Variants in MTUS1 observed in about 807,000 individuals in gnomAD.
The protein encoded by MTUS1 is microtubule associated scaffold protein 1.
MTUS1 carries 109 observed loss-of-function variants against 120.8 expected under a neutral mutation model. The observed-to-expected ratio is 0.90, with a 90% confidence interval of 0.77 to 1.06. The LOEUF (loss-of-function observed/expected upper bound fraction) is 1.06, where lower values mean the gene tolerates loss of function less well. Ranked by LOEUF, MTUS1 falls within the 50% of genes least tolerant of loss-of-function variation. The probability of loss-of-function intolerance (pLI) is 0.00; values close to 1 mark genes in which losing one functional copy is unlikely to be tolerated. For missense variants in MTUS1, 2,210 were observed against 1,486.3 expected, an observed-to-expected ratio of 1.49 and a Z score of -8.01; for synonymous variants, 737 against 550.5, an observed-to-expected ratio of 1.34 and a Z score of -4.74.
At chr8:17,718,469 C>T (rs556125952) in intron 4 of MTUS1, among the ~76,000 whole-genome samples, 8 of 152,176 alleles carry the variant, frequency 5.3e-5, no homozygotes, top group South Asian at 4.2e-4. Flanking sequence ...ACAGTGCATT[C>T]GCCCATATCG....
At chr8:17,799,873 T>G (rs2131625454) in intron 1 of MTUS1, among the ~76,000 whole-genome samples, 1 of 152,306 alleles carries the variant, frequency 6.6e-6, no homozygotes, top group South Asian at 2.1e-4. Flanking sequence ...AGCTTTGGTT[T>G]TAAGGATAAG....
intron 1 of MTUS1, among the ~76,000 whole-genome samples, chr8:17,786,891 T>G (rs970406042): frequency 1.3e-5 from 2 of 152,254 alleles, no homozygotes; most frequent in Non-Finnish European, 2.9e-5. Context: ...GGATCCCTTA[T>G]GAACTCTTCC....
At chr8:17,698,591 G>A (rs868217989) in intron 6 of MTUS1, among the ~76,000 whole-genome samples, 1 of 152,144 alleles carries the variant, frequency 6.6e-6, no homozygotes, top group South Asian at 2.1e-4. Context: ...ATGCAGAATT[G>A]TTACCATAAA....
intron 4 of MTUS1, among the ~76,000 whole-genome samples, chr8:17,718,859 T>C (rs985190524): frequency 1.3e-5 from 2 of 151,578 alleles, no homozygotes; most frequent in Non-Finnish European, 2.9e-5. Context: ...GCAGAAGACA[T>C]GATTTTCCTA....
At chr8:17,652,775 G>A (rs1807300365) in intron 12 of MTUS1, among the ~76,000 whole-genome samples, 1 of 151,552 alleles carries the variant, frequency 6.6e-6, no homozygotes, top group South Asian at 2.1e-4. Flanking sequence ...GGTGGACGTT[G>A]CAGTGAGCCG....
At chr8:17,692,709 A>C (rs373709496) in intron 6 of MTUS1, among the ~76,000 whole-genome samples, 1 of 152,100 alleles carries the variant, frequency 6.6e-6, no homozygotes, top group Non-Finnish European at 1.5e-5. Context: ...GCAGAAAACA[A>C]TAACTTGGGT....
intron 5 of MTUS1, among the ~76,000 whole-genome samples, chr8:17,714,020 T>G (rs1431838379): frequency 2.0e-5 from 3 of 152,304 alleles, no homozygotes; most frequent in South Asian, 2.1e-4. Flanking sequence ...GGAATCTCAT[T>G]CTCTGCAAGT....
At chr8:17,651,475 G>T (rs977726306) in intron 12 of MTUS1, 1 of 151,044 alleles carries the variant, frequency 6.6e-6, no homozygotes, top group African/African-American at 2.4e-5. Context: ...CAAATACTAA[G>T]TATCAATTTT....
chr8:17,742,291 GTTTT>G (rs1237059839), intron 3 of MTUS1, among the ~76,000 whole-genome samples: 4 of 94,700 alleles, frequency 4.2e-5, no homozygotes, highest in Admixed American at 1.4e-4. Context: ...TGTTGTTGTT[GTTTT>G]TTTTTTTTTT....
At chr8:17,782,571 T>C (rs1373206164) in intron 1 of MTUS1, among the ~76,000 whole-genome samples, 3 of 152,234 alleles carry the variant, frequency 2.0e-5, no homozygotes, top group Admixed American at 1.3e-4. Context: ...TGAAGTTTTA[T>C]GGGAGAGTAC....
intron 8 of MTUS1, among the ~76,000 whole-genome samples, chr8:17,673,195 G>A (rs139443671): frequency 1.3e-5 from 2 of 152,340 alleles, no homozygotes; most frequent in East Asian, 3.9e-4. Context: ...GTCAAGTTAA[G>A]TAACATGGCA....
chr8:17,703,039 A>G (rs1467242050), intron 6 of MTUS1, among the ~76,000 whole-genome samples: 3 of 152,198 alleles, frequency 2.0e-5, no homozygotes, highest in Admixed American at 6.5e-5. Context: ...TAACTGAACA[A>G]TCTGATTGCA....
intron 3 of MTUS1, among the ~76,000 whole-genome samples, chr8:17,731,593 A>G (rs1047207292): frequency 1.3e-5 from 2 of 152,238 alleles, no homozygotes; most frequent in Non-Finnish European, 2.9e-5. Flanking sequence ...CTTATTATGC[A>G]TAAAAACACA....
intron 1 of MTUS1, among the ~76,000 whole-genome samples, chr8:17,769,312 T>C: frequency 6.9e-6 from 1 of 144,278 alleles, no homozygotes; most frequent in Non-Finnish European, 1.5e-5. Context: ...ATTCACAAAC[T>C]CTTAAAACTG....
At chr8:17,764,483 T>A (rs1446753532) in intron 1 of MTUS1, among the ~76,000 whole-genome samples, 1 of 152,052 alleles carries the variant, frequency 6.6e-6, no homozygotes, top group African/African-American at 2.4e-5. Context: ...TAATAATGCA[T>A]CCCCTACACA....
chr8:17,660,691 C>G (rs778446744), intron 8 of MTUS1, among the ~76,000 whole-genome samples: 6 of 152,156 alleles, frequency 3.9e-5, no homozygotes, highest in Non-Finnish European at 7.3e-5. Context: ...ACATGCTCAC[C>G]AGAACCTATT....
chr8:17,765,961 A>AGATATCATTTACTATAT (rs1435929672), intron 1 of MTUS1, among the ~76,000 whole-genome samples: 1 of 152,150 alleles, frequency 6.6e-6, no homozygotes, highest in Non-Finnish European at 1.5e-5. Context: ...TTATCATTTA[A>AGATATCATTTACTATAT]GATATCATTT....
intron 3 of MTUS1, among the ~76,000 whole-genome samples, chr8:17,727,538 C>T (rs968546175): frequency 6.6e-5 from 10 of 152,174 alleles, no homozygotes; most frequent in Non-Finnish European, 8.8e-5. Flanking sequence ...CCAACAGTCC[C>T]GACGTTTAGC....
chr8:17,754,197 G>T lies in MTUS1; in HGVS notation c.1611C>A (p.Thr537=), dbSNP rs267601841. ...LSKVTPRPQQ[T]SASSPSSVNS... is the part of the protein sequence containing the mutation. ...TCACTGATGAGGGTGATGAGGCACT[G>T]GTCTGCTGAGGTCTGGGCGTGACCT... The change falls in exon 2 of 15, where the codon ACC becomes ACA. Residue 537 remains threonine (T), a synonymous_variant. Transcript: ENST00000693296. The T allele has an allele frequency of 6.2e-7, 1 of 1,613,856 alleles. No individual in the cohort carries two copies. The highest frequency in any genetic ancestry group is 1.7e-5 in the Admixed American group (1 of 59,992).
Sources: allele counts gnomAD v4.1 joint callset (sites outside exome capture counted in the v4.1 genomes callset), GRCh38; gene constraint gnomAD v4.1.1; transcripts MANE v1.5; gene names NCBI Gene and HGNC (gene_info 2026-07-23, HGNC 2026-07-21).